ANKRD16: variants seen among roughly 807,000 people sequenced by gnomAD.
ANKRD16 encodes ankyrin repeat domain 16, also known as ankyrin repeat domain-containing protein 16.
In ANKRD16, 35 loss-of-function variants were observed where a neutral mutation model predicts 37.9. The ratio of observed to expected loss-of-function variants is 0.92; its 90% CI spans 0.71 to 1.23. The LOEUF is 1.23. ANKRD16 is among the 50% of genes most tolerant of loss of function. ANKRD16 has a pLI of 0.00. For synonymous variants in ANKRD16, 206 were observed against 197.2 expected (o/e 1.04, Z -0.37); for missense variants, 480 against 469.9 (o/e 1.02, Z -0.20).
In ANKRD16 at chr10:5,870,517, C is replaced by T. The variant is rs1409222146; in HGVS notation, c.*33+7580G>A. ...CTCCTGGGCTCAAGGAATTCTCCCACCTCAGCTTCCTTGGTAGCTGGGACT... is the reference window on the plus strand; with the variant it reads ...CTCCTGGGCTCAAGGAATTCTCCCATCTCAGCTTCCTTGGTAGCTGGGACT... On this transcript the variant is annotated intron_variant, in intron 7 of 7. Transcript: ENST00000380094. This position sits in a 1 kb window ranked among gnomAD's most constrained non-coding sequence, Gnocchi z 5.0. Among the ~76,000 whole-genome samples the T allele has an allele frequency of 3.3e-5, 5 of 152,088 alleles. No individual in the cohort carries two copies. Among genetic ancestry groups the T allele is most frequent in the African/African-American group, 1.2e-4 (5 of 41,484 alleles).
rs1186941389 is a variant in ANKRD16, at chr10:5,865,218, G to A, written c.*34-2527C>T. ...GGCTTGTTACCAGTGTGGTTTGCAA[G>A]GACACCTTAAAAAAGACTGTCCAAC... On this transcript the variant is annotated intron_variant, in intron 7 of 7. Transcript: ENST00000380094. The surrounding 1 kb of genome is among the most constrained non-coding windows in gnomAD (Gnocchi z 4.7). Among the ~76,000 whole-genome samples the A allele has an allele frequency of 6.6e-6, 1 of 152,124 alleles. No homozygotes were observed. Among genetic ancestry groups the A allele is most frequent in the Non-Finnish European group, 1.5e-5 (1 of 68,014 alleles).
intron 4 of ANKRD16, 84 bp downstream of exon 4, chr10:5,883,885 C>G: frequency 1.6e-6 from 2 of 1,215,102 alleles, no homozygotes; most frequent in Non-Finnish European, 2.3e-6. Flanking sequence ...AACCTGGGAT[C>G]TGAGTAACAA....
At position 5,880,303 on chromosome 10, in the gene ANKRD16, C is replaced by A; in HGVS notation, c.923G>T (p.Arg308Leu). 1 of 1,587,606 alleles carries A rather than the reference C, an allele frequency of 6.3e-7. No individual in the cohort carries two copies. The highest frequency in any genetic ancestry group is 8.6e-7 in the Non-Finnish European group (1 of 1,164,760). Residue 308 changes from arginine to leucine, a missense_variant, in exon 6 of 8, where the codon CGA becomes CTA. Coordinates refer to ENST00000380094, the MANE Select transcript of ANKRD16 (RefSeq NM_019046.3). ...ADINSKDEKN[R>L]SALHLACAGQ... ...TATATAAAATTAAACGGTACCTGAT[C>A]GATTTTTTTCATCTTTAGAATTGAT...
rs1564413788 is a variant in ANKRD16, at chr10:5,868,942, C to G, written c.*34-6251G>C. 6.6e-6 allele frequency among the ~76,000 whole-genome samples: 1 copy of G among 152,144 alleles called. No individual in the cohort carries two copies. The highest frequency in any genetic ancestry group is 1.5e-5 in the Non-Finnish European group (1 of 68,038). On this transcript the variant is annotated intron_variant, in intron 7 of 7. Transcript: ENST00000380094. This position sits in a 1 kb window ranked among gnomAD's most constrained non-coding sequence, Gnocchi z 4.9. ...GAAGGAATAAATTCTGGACACAATA[C>G]CACAAAAAGACAAAGAAAGCAAAGG...
rs570830380 is a variant in ANKRD16 at position 5,872,922 on chromosome 10, G to A, written c.*33+5175C>T. On this transcript the variant is annotated intron_variant, in intron 7 of 7. Transcript: ENST00000380094. ...GTCACCCAGGCTGGAGTGCAGTGGT[G>A]TGATCTCGGCTCACTGCAGCCTCTG... Among the ~76,000 whole-genome samples, 203 of 150,748 alleles carry A rather than the reference G, an allele frequency of 1.3e-3. 3 individuals carry two copies. Among genetic ancestry groups the A allele is most frequent in the East Asian group, 7.8e-4 (4 of 5,106 alleles).
chr10:5,885,564 T>A (rs1353025579), intron 3 of ANKRD16, among the ~76,000 whole-genome samples, 159 bp downstream of exon 3: 1 of 152,240 alleles, frequency 6.6e-6, no homozygotes, highest in Non-Finnish European at 1.5e-5. Flanking sequence ...ATTTGTTATT[T>A]TTGTTTCATA....
Position 5,865,807 on chromosome 10 carries a change from C to G in ANKRD16, c.*34-3116G>C, listed in dbSNP as rs1842005919. 6.6e-6 allele frequency among the ~76,000 whole-genome samples: 1 copy of G among 152,158 alleles called. No individual in the cohort carries two copies. On this transcript the variant is annotated intron_variant, in intron 7 of 7. Transcript: ENST00000380094. This position sits in a 1 kb window ranked among gnomAD's most constrained non-coding sequence, Gnocchi z 4.7. ...CCCCTGCTTGAGGAGGGAATCAACC[C>G]TGAAGTCTGGGCATTGGAAGGAACA...
At chr10:5,882,243 T>C (rs539019362) in intron 5 of ANKRD16, among the ~76,000 whole-genome samples, 16 of 151,988 alleles carry the variant, frequency 1.1e-4, no homozygotes, top group African/African-American at 3.6e-4. Flanking sequence ...GAAAATGTAA[T>C]TGATCAGAAA....
chr10:5,871,994 G>T lies in ANKRD16; in HGVS notation c.*33+6103C>A, dbSNP rs2131758752. ...GTGATCAAATCCAACAGCCGTTTCT[G>T]TCCCCAACCTGCCGCCCTTGCCTCC... On this transcript the variant is annotated intron_variant, in intron 7 of 7. Coordinates refer to ENST00000380094, the MANE Select transcript of ANKRD16 (RefSeq NM_019046.3). The surrounding 1 kb of genome is among the most constrained non-coding windows in gnomAD (Gnocchi z 4.5). Among the ~76,000 whole-genome samples, 1 of 152,058 alleles carries T rather than the reference G, an allele frequency of 6.6e-6. No homozygotes were observed. The highest frequency in any genetic ancestry group is 1.5e-5 in the Non-Finnish European group (1 of 68,020).
In ANKRD16 at chr10:5,887,890, C is replaced by G. The variant is rs761953271; in HGVS notation, c.492G>C (p.Trp164Cys). Residue 164 changes from tryptophan (W) to cysteine (C), a missense_variant, in exon 2 of 8, where the codon TGG (tryptophan) becomes TGC (cysteine). Transcript: ENST00000380094. ...QYLLTVCPGA[W>C]KTESKIRRTP... ...TCCTTCTAATTTTGCTCTCTGTCTT[C>G]CAGGCACCTGGGCAAACAGTGAGCA... is the stretch of plus-strand genomic sequence containing the variant. The G allele has an allele frequency of 9.9e-6, 16 of 1,614,164 alleles. No individual in the cohort carries two copies. In the South Asian group the frequency reaches 1.6e-4, roughly 17 times the overall value.
In ANKRD16 at chr10:5,864,820, T is replaced by C. The variant is rs1167221785; in HGVS notation, c.*34-2129A>G. 6.6e-6 allele frequency among the ~76,000 whole-genome samples: 1 copy of C among 152,204 alleles called. No individual in the cohort carries two copies. Among genetic ancestry groups the C allele is most frequent in the African/African-American group, 2.4e-5 (1 of 41,456 alleles). On this transcript the variant is annotated intron_variant, in intron 7 of 7. Transcript: ENST00000380094. The surrounding 1 kb of genome is among the most constrained non-coding windows in gnomAD (Gnocchi z 4.4). ...AAAAAGCCTGTGAATTATTTGATGA[T>C]GTCCACCATAACTCAGGGAAAGGAA...
rs953026454 is a variant in ANKRD16 at position 5,878,167 on chromosome 10, T to A, written c.1049A>T (p.Asp350Val). Residue 350 changes from aspartate (D) to valine (V), a missense_variant, in exon 7 of 8, where the codon GAT becomes GTT. Asp to Val is a radical substitution (Grantham distance 152). Transcript: ENST00000380094. This position sits in a 1 kb window ranked among gnomAD's most constrained non-coding sequence, Gnocchi z 5.1. ...GCTATGGCCAGAGCCCTGAAGGACA[T>A]CTGCTCTCCTTGGGAGCTGCTGAGC... ...TLAQQLPRRA[D>V]VLQGSGHSAM... The A allele has an allele frequency of 3.1e-6, 5 of 1,614,206 alleles. No individual in the cohort carries two copies. The South Asian group carries it at 5.5e-5, about 18-fold the overall frequency.
intron 4 of ANKRD16, 133 bp from the exon 5 acceptor site, chr10:5,883,300 T>G: frequency 1.1e-6 from 1 of 912,416 alleles, no homozygotes; most frequent in South Asian, 1.8e-5. Context: ...ATATGTGGCT[T>G]TTGTCTGATT....
rs1842471336 is a variant in ANKRD16, at chr10:5,887,923, G to C, written c.459C>G (p.Leu153=). 1.2e-6 allele frequency: 2 copies of C among 1,614,082 alleles called. No individual in the cohort carries two copies. The highest frequency in any genetic ancestry group is 1.7e-5 in the Admixed American group (1 of 60,010). Residue 153 remains leucine (L), a synonymous_variant, in exon 2 of 8, where the codon CTC becomes CTG. Transcript: ENST00000380094. ...CTGGGCAAACAGTGAGCAGGTACTG[G>C]AGGATCAGAGGGTCGCCTTCTCGAC... ...IASREGDPLI[L]QYLLTVCPGA... is the part of the protein sequence containing the mutation.
At chr10:5,888,304 G>C (rs1246929484) in intron 1 of ANKRD16, among the ~76,000 whole-genome samples, 1 of 152,164 alleles carries the variant, frequency 6.6e-6, no homozygotes. Flanking sequence ...GAGGGTGCCT[G>C]GGAGACAAAG....
rs750718894 is a variant in ANKRD16, at chr10:5,883,999, G to A, written c.657C>T (p.Asp219=). The A allele has an allele frequency of 8.1e-6, 13 of 1,614,114 alleles. No individual in the cohort carries two copies. Among genetic ancestry groups the A allele is most frequent in the South Asian group, 7.7e-5 (7 of 91,088 alleles). ...LMDAIQCGHI[D]VARLLLDEHG... ...GTTCATCGAGGAGCAGCCTAGCGACGTCGATGTGCCCACACTGGATTGCGT... is the reference window on the plus strand; with the variant it reads ...GTTCATCGAGGAGCAGCCTAGCGACATCGATGTGCCCACACTGGATTGCGT... Residue 219 remains aspartate (D), a synonymous_variant, in exon 4 of 8, where the codon GAC becomes GAT. Transcript: ENST00000380094.
intron 6 of ANKRD16, among the ~76,000 whole-genome samples, chr10:5,879,152 G>C (rs993596898): frequency 6.6e-6 from 1 of 152,022 alleles, no homozygotes; most frequent in African/African-American, 2.4e-5. Flanking sequence ...TGAGTAGTTA[G>C]GTACCTGCGA....
At position 5,887,867 on chromosome 10, in the gene ANKRD16, C is replaced by T. The variant is rs1387156337; in HGVS notation, c.515G>A (p.Arg172Lys). The change falls in exon 2 of 8, where the codon AGG becomes AAG. Residue 172 changes from arginine to lysine, a missense_variant. By Grantham distance (26) the Arg-to-Lys change is conservative. Transcript: ENST00000380094. ...GAWKTESKIR[R>K]TPLHTAAMHG... ...TGTACCTGCAGTATGCAGAGGAGTC[C>T]TTCTAATTTTGCTCTCTGTCTTCCA... is the stretch of plus-strand genomic sequence containing the variant. 2 of 1,613,754 alleles carry T rather than the reference C, an allele frequency of 1.2e-6. No homozygotes were observed. Among genetic ancestry groups the T allele is most frequent in the Non-Finnish European group, 8.5e-7 (1 of 1,179,884 alleles).
At chr10:5,887,705 C>CCCCCCT in intron 2 of ANKRD16, 142 bp downstream of exon 2, 1 of 181,808 alleles carries the variant, frequency 5.5e-6, no homozygotes, top group South Asian at 1.1e-4. Context: ...ACCCCCTCCC[C>CCCCCCT]CCCAGATGTT....
Sources: gnomAD v4.1 joint callset for allele counts (sites outside exome capture counted in the v4.1 genomes callset) on GRCh38, gnomAD v4.1.1 for gene constraint, Gnocchi (gnomAD v3.1) non-coding constraint, MANE v1.5 for transcripts, NCBI Gene and HGNC (gene_info 2026-07-23, HGNC 2026-07-21) for gene names.